The following LCK variants were observed in gnomAD, a reference collection of about 807,000 sequenced individuals.
The protein encoded by LCK is LCK proto-oncogene, Src family tyrosine kinase.
LCK carries 14 observed loss-of-function variants against 64.6 expected under a neutral mutation model. That is an observed-to-expected ratio of 0.22 (90% CI 0.14 to 0.34). The LOEUF (loss-of-function observed/expected upper bound fraction) is 0.34, where lower values mean the gene tolerates loss of function less well. LCK is among the 10% of genes least tolerant of loss of function. LCK has a pLI of 1.00. For synonymous variants in LCK, 277 were observed against 263.6 expected, an observed-to-expected ratio of 1.05 and a Z score of -0.49; for missense variants, 434 against 668.1, an observed-to-expected ratio of 0.65 and a Z score of 3.86.
intron 9 of LCK, 39 bp from the exon 10 acceptor site, chr1:32,279,632 G>A (rs1430826013): frequency 6.2e-7 from 1 of 1,613,682 alleles, no homozygotes; most frequent in South Asian, 1.1e-5. Context: ...GCCTCCCCCT[G>A]GGGCAACTTG....
rs1640220793 is a variant in LCK, at chr1:32,275,209, G to A, written c.279-112G>A. On this transcript the variant is annotated intron_variant, in intron 4 of 12. Coordinates refer to ENST00000336890, the MANE Select transcript of LCK (RefSeq NM_005356.5). This position sits in a 1 kb window ranked among gnomAD's most constrained non-coding sequence, Gnocchi z 6.9. Reference sequence around the variant, plus strand: ...CCCTTGGGACAAAATTCGAGGCTCAGTATTGCTGAGCCAGGGTTGGGGGAG... The same window carrying A: ...CCCTTGGGACAAAATTCGAGGCTCAATATTGCTGAGCCAGGGTTGGGGGAG... 6.8e-7 allele frequency: 1 copy of A among 1,463,860 alleles called. No individual in the cohort carries two copies. Among genetic ancestry groups the A allele is most frequent in the Non-Finnish European group, 9.5e-7 (1 of 1,049,320 alleles). The allele number at this position is 1,463,860 out of a possible 1,614,324, so 90.7% of individuals were successfully genotyped here.
At position 32,285,644 on chromosome 1, in the gene LCK, C is replaced by G. The variant is rs1250759441; in HGVS notation, c.1458C>G (p.Thr486=). The G allele has an allele frequency of 6.2e-7, 1 of 1,614,168 alleles. No homozygotes were observed. The highest frequency in any genetic ancestry group is 1.7e-5 in the Admixed American group (1 of 60,012). The change falls in exon 13 of 13, where the codon ACC becomes ACG. Residue 486 remains threonine (T), a synonymous_variant. Transcript: ENST00000336890. ...CWKERPEDRP[T]FDYLRSVLED... Reference sequence around the variant, plus strand: ...AGGAGCGCCCAGAGGACCGGCCCACCTTTGACTACCTGCGCAGTGTGCTGG... The same window carrying G: ...AGGAGCGCCCAGAGGACCGGCCCACGTTTGACTACCTGCGCAGTGTGCTGG...
At chr1:32,272,724 G>A (rs961875216) in intron 1 of LCK, among the ~76,000 whole-genome samples, 2 of 152,060 alleles carry the variant, frequency 1.3e-5, no homozygotes, top group South Asian at 2.1e-4. Context: ...AGCATGGGGT[G>A]TTTGGGAAAG....
Position 32,276,130 on chromosome 1 carries a change from C to T in LCK, c.631+67C>T. The T allele has an allele frequency of 2.6e-6, 4 of 1,568,170 alleles. No individual in the cohort carries two copies. Among genetic ancestry groups the T allele is most frequent in the South Asian group, 1.1e-5 (1 of 89,116 alleles). Reference sequence around the variant, plus strand: ...TCTCCCCTCAGTCCCCCTCAGGTGTCCCCCATCCATCTTTCAATGCCCTAC... The same window carrying T: ...TCTCCCCTCAGTCCCCCTCAGGTGTTCCCCATCCATCTTTCAATGCCCTAC... On this transcript the variant is annotated intron_variant, in intron 7 of 12. Transcript: ENST00000336890. This position sits in a 1 kb window ranked among gnomAD's most constrained non-coding sequence, Gnocchi z 4.6.
At chr1:32,281,481 G>T (rs1335281348) in intron 12 of LCK, among the ~76,000 whole-genome samples, 1 of 148,946 alleles carries the variant, frequency 6.7e-6, no homozygotes, top group Non-Finnish European at 1.5e-5. Context: ...AAAAGAAAAA[G>T]AAAAAGAAAA....
At chr1:32,272,933 T>G (rs565034423) in intron 1 of LCK, among the ~76,000 whole-genome samples, 109 of 137,832 alleles carry the variant, frequency 7.9e-4, no homozygotes, top group Non-Finnish European at 1.3e-3. Context: ...TGTATGAATG[T>G]GTGTTGGGGA....
At chr1:32,270,292 G>A (rs1285710317) in intron 1 of LCK, among the ~76,000 whole-genome samples, 1 of 149,480 alleles carries the variant, frequency 6.7e-6, no homozygotes, top group Non-Finnish European at 1.5e-5. Flanking sequence ...TAGAGACAGG[G>A]TTTCACCATT....
At chr1:32,273,142 G>A (rs1022128372) in intron 1 of LCK, among the ~76,000 whole-genome samples, 1 of 129,146 alleles carries the variant, frequency 7.7e-6, no homozygotes, top group African/African-American at 3.0e-5. Context: ...GGGTGCCTGT[G>A]TGTGGGGGGT....
At chr1:32,252,893 G>A (rs1471563158) in intron 1 of LCK, among the ~76,000 whole-genome samples, 2 of 151,878 alleles carry the variant, frequency 1.3e-5, no homozygotes, top group Non-Finnish European at 2.9e-5. Context: ...TGTTCCTTGG[G>A]TACCACGAGG....
chr1:32,273,329 TG>T (rs1640162777), intron 1 of LCK, among the ~76,000 whole-genome samples: 2 of 143,358 alleles, frequency 1.4e-5, no homozygotes, highest in South Asian at 2.2e-4. Flanking sequence ...TCTGTGGAGG[TG>T]GGATAGGGGG....
At chr1:32,255,195 C>T (rs954549508) in intron 1 of LCK, among the ~76,000 whole-genome samples, 4 of 152,132 alleles carry the variant, frequency 2.6e-5, no homozygotes, top group African/African-American at 4.8e-5. Flanking sequence ...CCGGGACTCA[C>T]TTCACAACTC....
In LCK at chr1:32,279,888, T is replaced by C; in HGVS notation, c.1089T>C (p.Arg363=). Residue 363 remains arginine, a synonymous_variant, in exon 11 of 13, where the codon CGT becomes CGC. Transcript: ENST00000336890. ...TTGAAGAGCGGAATTATATTCATCG[T>C]GACCTTCGGGCTGCCAACATTCTGG... ...AFIEERNYIH[R]DLRAANILVS... 1 of 1,614,228 alleles carries C rather than the reference T, an allele frequency of 6.2e-7. No homozygotes were observed. Among genetic ancestry groups the C allele is most frequent in the South Asian group, 1.1e-5 (1 of 91,090 alleles).
rs753646239 is a variant in LCK, at chr1:32,276,290, C to CG, written c.632-46dup. On this transcript the variant is annotated intron_variant, in intron 7 of 12. Transcript: ENST00000336890. The surrounding 1 kb of genome is among the most constrained non-coding windows in gnomAD (Gnocchi z 4.6). ...AGAAGTGGGGGAGGTGGTGTCAATA[C>CG]GAGGCCTGCCCTATTGACAGCCTTC... The CG allele has an allele frequency of 6.6e-7, 1 of 1,524,568 alleles. No homozygotes were observed. Among genetic ancestry groups the CG allele is most frequent in the African/African-American group, 1.4e-5 (1 of 72,570 alleles). The allele number at this position is 1,524,568 out of a possible 1,614,324, so 94.4% of individuals were successfully genotyped here.
rs866686278 is a variant in LCK, at chr1:32,251,934, G to T, written c.-6+563G>T. Among the ~76,000 whole-genome samples the T allele has an allele frequency of 0.011, 1,606 of 146,704 alleles. 30 individuals carry two copies. Among genetic ancestry groups the T allele is most frequent in the African/African-American group, 0.039 (1,532 of 39,186 alleles). On this transcript the variant is annotated intron_variant, in intron 1 of 12. Coordinates refer to ENST00000336890, the MANE Select transcript of LCK (RefSeq NM_005356.5). This position sits in a 1 kb window ranked among gnomAD's most constrained non-coding sequence, Gnocchi z 4.0. Reference sequence around the variant, plus strand: ...AGAGAGAGAGAGAGAGAGAGAGAGAGAGACAGAGATCACCCAAGGCATCCA... The same window carrying T: ...AGAGAGAGAGAGAGAGAGAGAGAGATAGACAGAGATCACCCAAGGCATCCA...
intron 1 of LCK, among the ~76,000 whole-genome samples, chr1:32,269,885 C>T (rs1209073376): frequency 6.6e-6 from 1 of 152,188 alleles, no homozygotes; most frequent in Admixed American, 6.6e-5. Context: ...ACTAAGCTAA[C>T]ATTCATGTGA....
chr1:32,266,159 A>T (rs1265977276), intron 1 of LCK, among the ~76,000 whole-genome samples: 1 of 152,000 alleles, frequency 6.6e-6, no homozygotes, highest in Non-Finnish European at 1.5e-5. Context: ...ATAAGGTCTC[A>T]CTGTGTTACC....
intron 1 of LCK, among the ~76,000 whole-genome samples, chr1:32,266,268 A>G (rs1436681625): frequency 6.6e-6 from 1 of 151,570 alleles, no homozygotes; most frequent in Non-Finnish European, 1.5e-5. Context: ...TGAGGCGGGC[A>G]AATCACAAGG....
intron 12 of LCK, among the ~76,000 whole-genome samples, chr1:32,282,401 G>A (rs1056604854): frequency 7.9e-5 from 12 of 152,352 alleles, no homozygotes; most frequent in Admixed American, 7.2e-4. Context: ...CAATTAAGGC[G>A]TGGGGGACCC....
At chr1:32,260,107 G>T (rs573667280) in intron 1 of LCK, among the ~76,000 whole-genome samples, 3 of 151,994 alleles carry the variant, frequency 2.0e-5, no homozygotes, top group East Asian at 3.9e-4. Context: ...GCAGTCCCGG[G>T]TTTAAGCAAT....
Sources: gnomAD v4.1 joint callset for allele counts (sites outside exome capture counted in the v4.1 genomes callset) on GRCh38, gnomAD v4.1.1 for gene constraint, Gnocchi (gnomAD v3.1) non-coding constraint, MANE v1.5 for transcripts, NCBI Gene and HGNC (gene_info 2026-07-23, HGNC 2026-07-21) for gene names.